Variants in TRIM2 observed in about 807,000 individuals in gnomAD.
TRIM2 encodes tripartite motif-containing protein 2.
Under a neutral mutation model 75.2 loss-of-function variants are expected in TRIM2, and 20 were observed. The observed-to-expected ratio is 0.27, with a 90% confidence interval of 0.19 to 0.39. The LOEUF is 0.39. TRIM2 is among the 10% of genes least tolerant of loss of function. The probability of loss-of-function intolerance (pLI) is 1.00; values close to 1 mark genes in which losing one functional copy is unlikely to be tolerated. For synonymous variants in TRIM2, 373 were observed against 388.3 expected (o/e 0.96, Z 0.46); for missense variants, 660 against 990.8 (o/e 0.67, Z 4.48).
chr4:153,256,341 C>T (rs1404703046), intron 1 of TRIM2, among the ~76,000 whole-genome samples: 1 of 152,214 alleles, frequency 6.6e-6, no homozygotes, highest in Non-Finnish European at 1.5e-5. Context: ...CCTTCAAGGG[C>T]TCACTGTAAT....
At chr4:153,291,016 G>C (rs1227670323) in intron 3 of TRIM2, among the ~76,000 whole-genome samples, 1 of 151,514 alleles carries the variant, frequency 6.6e-6, no homozygotes, top group Non-Finnish European at 1.5e-5. Flanking sequence ...GAGGAGCAAA[G>C]TACATGAAAT....
At chr4:153,301,411 T>A (rs1240254473) in intron 6 of TRIM2, among the ~76,000 whole-genome samples, 1 of 152,206 alleles carries the variant, frequency 6.6e-6, no homozygotes, top group African/African-American at 2.4e-5. Context: ...GATATTAACC[T>A]CTTATCAAGA....
In TRIM2 at chr4:153,314,191, C is replaced by T. The variant is rs61552229; in HGVS notation, c.1511-1294C>T. 1.5e-4 allele frequency among the ~76,000 whole-genome samples: 22 copies of T among 151,384 alleles called. No homozygotes were observed. The East Asian group carries it at 4.1e-3, about 28-fold the overall frequency. On this transcript the variant is annotated intron_variant, in intron 6 of 11. Coordinates refer to ENST00000338700, the MANE Select transcript of TRIM2 (RefSeq NM_015271.5). ...CTTTTAAAAGAGAGTCTAGCCGAGG[C>T]GGGCGGATCACGAGGTCAGGAGATC... is the stretch of plus-strand genomic sequence containing the variant.
rs1719700715 is a variant in TRIM2, at chr4:153,336,390, C to T, written c.*1424C>T. Reference sequence around the variant, plus strand: ...AAAAACCACACACACACATAAAAAACCCAACAGGTCAAAATAAAAGTTGAA... The same window carrying T: ...AAAAACCACACACACACATAAAAAATCCAACAGGTCAAAATAAAAGTTGAA... On this transcript the variant is annotated 3_prime_UTR_variant, in exon 12 of 12. Transcript: ENST00000338700. 1 of 981,840 alleles carries T rather than the reference C, an allele frequency of 1.0e-6. No individual in the cohort carries two copies. Among genetic ancestry groups the T allele is most frequent in the Admixed American group, 6.3e-5 (1 of 15,990 alleles). The allele number at this position is 981,840 out of a possible 1,614,324, so 60.8% of individuals were successfully genotyped here. A position where few individuals can be genotyped will look rare whatever the true frequency, so the allele number is the denominator to read the frequency against.
intron 1 of TRIM2, among the ~76,000 whole-genome samples, chr4:153,251,124 G>C (rs1750775280): frequency 6.6e-6 from 1 of 152,198 alleles, no homozygotes; most frequent in South Asian, 2.1e-4. Flanking sequence ...GGATGCTTAA[G>C]AGAAAGTCCT....
intron 6 of TRIM2, among the ~76,000 whole-genome samples, chr4:153,300,983 G>A (rs1264466806): frequency 1.3e-5 from 2 of 151,932 alleles, no homozygotes; most frequent in East Asian, 3.9e-4. Flanking sequence ...CTGAGGGCAG[G>A]AGTTTGAGAC....
chr4:153,327,859 G>A (rs1168997618), intron 10 of TRIM2, among the ~76,000 whole-genome samples: 1 of 152,140 alleles, frequency 6.6e-6, no homozygotes, highest in Non-Finnish European at 1.5e-5. Flanking sequence ...AGAAAATAGA[G>A]TAATAGAAAC....
rs140639236 is a variant in TRIM2 at position 153,166,737 on chromosome 4, A to G, written c.-49+13467A>G. ...AGATGTATTTTTCTTTAATGGGACC[A>G]TTTAGTTTCTTCTAAGACTAAGAAG... On this transcript the variant is annotated intron_variant, in intron 1 of 11. Coordinates refer to the TRIM2 transcript ENST00000437508. Among the ~76,000 whole-genome samples, 327 of 152,188 alleles carry G rather than the reference A, an allele frequency of 2.1e-3. 3 individuals carry two copies. Among genetic ancestry groups the G allele is most frequent in the African/African-American group, 7.2e-3 (299 of 41,522 alleles).
intron 1 of TRIM2, among the ~76,000 whole-genome samples, chr4:153,229,413 T>A (rs548666044): frequency 6.6e-6 from 1 of 152,192 alleles, no homozygotes; most frequent in East Asian, 1.9e-4. Flanking sequence ...ACAGGTCCCA[T>A]GCCTGGTTAA....
intron 1 of TRIM2, among the ~76,000 whole-genome samples, chr4:153,186,878 T>C (rs1221008707): frequency 7.1e-6 from 1 of 141,094 alleles, no homozygotes; most frequent in South Asian, 2.4e-4. Flanking sequence ...GAGAACAGAT[T>C]GTCAGAATTG....
intron 1 of TRIM2, among the ~76,000 whole-genome samples, chr4:153,173,872 C>G (rs1731133113): frequency 6.6e-6 from 1 of 150,556 alleles, no homozygotes; most frequent in Admixed American, 6.6e-5. Flanking sequence ...AAGGCTGAGG[C>G]AGAAGAATCG....
intron 2 of TRIM2, 90 bp from the exon 3 acceptor site, chr4:153,275,803 C>A: frequency 8.2e-7 from 1 of 1,226,242 alleles, no homozygotes; most frequent in Non-Finnish European, 1.2e-6. Context: ...CTGCCAAATA[C>A]CTTGTGTAGT....
intron 1 of TRIM2, among the ~76,000 whole-genome samples, chr4:153,193,276 T>C (rs1240989668): frequency 2.0e-5 from 3 of 151,562 alleles, no homozygotes; most frequent in African/African-American, 7.3e-5. Flanking sequence ...GGACTACAGG[T>C]GCCTGCCACC....
In TRIM2 at chr4:153,271,092, T is replaced by C. The variant is rs1052109947; in HGVS notation, c.215+573T>C. Among the ~76,000 whole-genome samples the C allele has an allele frequency of 7.9e-5, 12 of 152,336 alleles. No individual in the cohort carries two copies. In the East Asian group the frequency reaches 2.3e-3, roughly 29 times the overall value. ...CAGACTTCCTTATTTATCTTCTTCA[T>C]AGAGTATTTGTTTTTGGAGAGGGGC... On this transcript the variant is annotated intron_variant, in intron 2 of 11. Transcript: ENST00000338700.
chr4:153,244,429 CTT>C (rs1491191672), intron 1 of TRIM2, among the ~76,000 whole-genome samples: 1 of 96,120 alleles, frequency 1.0e-5, no homozygotes, highest in African/African-American at 4.3e-5. Flanking sequence ...TCTTCTTCTT[CTT>C]CTTCTTTTAA....
intron 2 of TRIM2, 82 bp downstream of exon 2, chr4:153,270,601 T>A (rs1756443320): frequency 1.6e-6 from 2 of 1,256,836 alleles, no homozygotes; most frequent in Non-Finnish European, 2.2e-6. Context: ...CCCAGAATTC[T>A]ACAGTTACCT....
intron 1 of TRIM2, among the ~76,000 whole-genome samples, chr4:153,221,880 GAGGAAGGA>G (rs751579723): frequency 8.9e-4 from 76 of 84,920 alleles, no homozygotes; most frequent in African/African-American, 1.1e-3. Flanking sequence ...GGAAGGGAAG[GAGGAAGGA>G]AGGAAGGAGG....
In TRIM2 at chr4:153,289,276, T is replaced by C. The variant is rs578157972; in HGVS notation, c.454-3706T>C. ...TTGTTGTTTGGTGACTTTTCTAAAC[T>C]AATTATTTTATATTTTTTTCGTTCC... On this transcript the variant is annotated intron_variant, in intron 3 of 11. Coordinates refer to ENST00000338700, the MANE Select transcript of TRIM2 (RefSeq NM_015271.5). 5.3e-5 allele frequency among the ~76,000 whole-genome samples: 8 copies of C among 152,316 alleles called. No homozygotes were observed. In the South Asian group the frequency reaches 1.7e-3, roughly 32 times the overall value.
chr4:153,203,553 A>T (rs191306344), upstream of TRIM2, among the ~76,000 whole-genome samples: 28 of 149,762 alleles, frequency 1.9e-4, no homozygotes, highest in East Asian at 5.5e-3. Context: ...ACACTACTGC[A>T]CTCCAGCCTG....
Sources: allele counts gnomAD v4.1 joint callset (sites outside exome capture counted in the v4.1 genomes callset), GRCh38; gene constraint gnomAD v4.1.1; transcripts MANE v1.5; gene names NCBI Gene and HGNC (gene_info 2026-07-23, HGNC 2026-07-21).